The following FN1 variants were observed in gnomAD, a reference collection of about 807,000 sequenced individuals.
FN1 encodes fibronectin.
In FN1, 106 loss-of-function variants were observed where a neutral mutation model predicts 297.3. That is an observed-to-expected ratio of 0.36 (90% CI 0.30 to 0.42). FN1 has a LOEUF of 0.42. Among genes scored for constraint, FN1 ranks in the 10% least tolerant of loss-of-function variants. The pLI is 1.00. For synonymous variants in FN1, 1,149 were observed against 1,152.6 expected (o/e 1.00, Z 0.06); for missense variants, 2,690 against 3,124.9 (o/e 0.86, Z 3.32).
chr2:215,432,911 C>G (rs2066772604), intron 3 of FN1, among the ~76,000 whole-genome samples: 1 of 152,158 alleles, frequency 6.6e-6, no homozygotes, highest in African/African-American at 2.4e-5. Context: ...GACCAGACAA[C>G]ACATGGCTGG....
At chr2:215,383,555 C>A in intron 30 of FN1, 72 bp from the exon 31 acceptor site, 28 of 1,469,374 alleles carry the variant, frequency 1.9e-5, no homozygotes, top group Non-Finnish European at 2.6e-5. Context: ...GTCCTCCTCT[C>A]TAGGTCTGGT....
chr2:215,434,604 T>C (rs2067131961), intron 2 of FN1, 92 bp downstream of exon 2: 1 of 1,406,600 alleles, frequency 7.1e-7, no homozygotes, highest in African/African-American at 1.4e-5. Context: ...ATTAGAAAAA[T>C]GGTGTATGTA....
chr2:215,405,268 G>A (rs932407662), intron 19 of FN1, among the ~76,000 whole-genome samples: 11 of 152,154 alleles, frequency 7.2e-5, no homozygotes, highest in Non-Finnish European at 1.0e-4. Context: ...TTTTCCCACC[G>A]AAATTTAAAT....
At position 215,388,279 on chromosome 2, in the gene FN1, A is replaced by G. The variant is rs764658609; in HGVS notation, c.4275T>C (p.Tyr1425=). 5 of 1,613,742 alleles carry G rather than the reference A, an allele frequency of 3.1e-6. No homozygotes were observed. Among genetic ancestry groups the G allele is most frequent in the Non-Finnish European group, 4.2e-6 (5 of 1,179,734 alleles). ...CGTAGACACTGGAGACACTCACTAC[A>G]TATTCTGTACCAGGCAGGAGATCTG... The part of the protein sequence containing the change: ...VLTNLLPGTE[Y]VVSVSSVYEQ... The change falls in exon 27 of 46, where the codon TAT becomes TAC. Residue 1425 remains tyrosine (Y), a synonymous_variant. Coordinates refer to ENST00000354785, the MANE Select transcript of FN1 (RefSeq NM_212482.4).
chr2:215,386,373 G>A (rs751595533), intron 28 of FN1, among the ~76,000 whole-genome samples: 6 of 151,800 alleles, frequency 4.0e-5, no homozygotes, highest in East Asian at 1.9e-4. Flanking sequence ...CACCCCGTCC[G>A]GCCAATTTTC....
chr2:215,431,846 G>T lies in FN1; in HGVS notation c.534C>A (p.Thr178=), dbSNP rs1203356655. The change falls in exon 4 of 46, where the codon ACC becomes ACA. Residue 178 remains threonine (T), a synonymous_variant. Coordinates refer to ENST00000354785, the MANE Select transcript of FN1 (RefSeq NM_212482.4). ...VCLGNGKGEW[T]CKPIAEKCFD... ...AGACTCACACACCTATGGGCTTGCA[G>T]GTCCATTCTCCTTTTCCATTACCAA... The T allele has an allele frequency of 6.2e-7, 1 of 1,614,028 alleles. No homozygotes were observed. Among genetic ancestry groups the T allele is most frequent in the African/African-American group, 1.3e-5 (1 of 74,900 alleles).
chr2:215,406,298 T>G lies in FN1; in HGVS notation c.2926A>C (p.Lys976Gln). ...GLSPGVTYYF[K>Q]VFAVSHGRES... ...CTCCCATGGCTCACTGCAAAGACTT[T>G]GAAGTAATAGGTGACCCCAGGGGAC... The change falls in exon 19 of 46, where the codon AAA (lysine) becomes CAA (glutamine). Residue 976 changes from lysine (K) to glutamine (Q), a missense_variant. Physicochemically the swap from Lys to Gln is moderately conservative, Grantham distance 53. Transcript: ENST00000354785. The G allele has an allele frequency of 6.2e-7, 1 of 1,614,192 alleles. No homozygotes were observed.
chr2:215,387,008 A>G (rs1399640313), intron 27 of FN1, 50 bp from the exon 28 acceptor site: 2 of 1,536,968 alleles, frequency 1.3e-6, no homozygotes, highest in Non-Finnish European at 1.8e-6. Flanking sequence ...AAAAGACACC[A>G]CCAGTTTAGG....
Position 215,389,111 on chromosome 2 carries a change from A to AT in FN1, c.4253-811dup, listed in dbSNP as rs997876159. On this transcript the variant is annotated intron_variant, in intron 26 of 45. Coordinates refer to ENST00000354785, the MANE Select transcript of FN1 (RefSeq NM_212482.4). ...TGTTCCATTTTTTTTTATTTTTATT[A>AT]TTTTTTCTTTTTGACGAGGTTTTAC... Among the ~76,000 whole-genome samples, 3 of 151,612 alleles carry AT rather than the reference A, an allele frequency of 2.0e-5. No homozygotes were observed. In the East Asian group the frequency reaches 5.8e-4, roughly 29 times the overall value.
At chr2:215,387,294 T>G (rs912926249) in intron 27 of FN1, among the ~76,000 whole-genome samples, 1 of 152,226 alleles carries the variant, frequency 6.6e-6, no homozygotes, top group East Asian at 1.9e-4. Flanking sequence ...ATTGACATTT[T>G]CAAATTCTTC....
In FN1 at chr2:215,376,426, G is replaced by T. The variant is rs983977652; in HGVS notation, c.5887+72C>A. 5.9e-6 allele frequency: 8 copies of T among 1,353,708 alleles called. No individual in the cohort carries two copies. In the African/African-American group the frequency reaches 8.6e-5, roughly 15 times the overall value. The allele number at this position is 1,353,708 out of a possible 1,614,324, so 83.9% of individuals were successfully genotyped here. A position where few individuals can be genotyped will look rare whatever the true frequency, so the allele number is the denominator to read the frequency against. ...ATAAATTTTATCAGTGTCAGTCGTA[G>T]AACAGTTAATAAGCCCGTTTACATT... On this transcript the variant is annotated intron_variant, in intron 36 of 45. Coordinates refer to ENST00000354785, the MANE Select transcript of FN1 (RefSeq NM_212482.4).
intron 9 of FN1, among the ~76,000 whole-genome samples, chr2:215,423,116 G>T (rs1276741987): frequency 6.6e-6 from 1 of 151,354 alleles, no homozygotes; most frequent in Non-Finnish European, 1.5e-5. Context: ...TGTCAATGAG[G>T]TTTAAAAATT....
chr2:215,394,352 C>T (rs980722672), intron 24 of FN1, among the ~76,000 whole-genome samples, 176 bp downstream of exon 24: 2 of 152,220 alleles, frequency 1.3e-5, no homozygotes, highest in Non-Finnish European at 1.5e-5. Context: ...GCAGTGTTAA[C>T]AGCAAGCATT....
chr2:215,364,848 CTT>C (rs2054215313), intron 44 of FN1, 29 bp downstream of exon 44: 1 of 1,453,628 alleles, frequency 6.9e-7, no homozygotes, highest in Non-Finnish European at 9.4e-7. Flanking sequence ...TCTTATCTAA[CTT>C]GTAGGGAGCC....
intron 24 of FN1, among the ~76,000 whole-genome samples, chr2:215,394,147 T>A (rs2060031305): frequency 6.6e-6 from 1 of 152,234 alleles, no homozygotes; most frequent in African/African-American, 2.4e-5. Flanking sequence ...ATATGGATTG[T>A]AAAATCGGGC....
In FN1 at chr2:215,411,958, C is replaced by T. The variant is rs548131367; in HGVS notation, c.1942-1844G>A. ...CTGGGATTACAGGCGTGAGCCACTGCGCCTGGCCCAAAGTACATTTTATAC... is the reference window on the plus strand; with the variant it reads ...CTGGGATTACAGGCGTGAGCCACTGTGCCTGGCCCAAAGTACATTTTATAC... On this transcript the variant is annotated intron_variant, in intron 13 of 45. Transcript: ENST00000354785. Among the ~76,000 whole-genome samples the T allele has an allele frequency of 2.0e-5, 3 of 152,184 alleles. No homozygotes were observed. The East Asian group carries it at 5.8e-4, about 29-fold the overall frequency.
At chr2:215,415,741 A>C (rs2106358414) in intron 12 of FN1, among the ~76,000 whole-genome samples, 2 of 152,252 alleles carry the variant, frequency 1.3e-5, no homozygotes, top group East Asian at 3.9e-4. Context: ...AATTTAAAGT[A>C]TGGTTTTGGT....
At chr2:215,396,152 T>A (rs1221663935) in intron 23 of FN1, among the ~76,000 whole-genome samples, 1 of 152,174 alleles carries the variant, frequency 6.6e-6, no homozygotes, top group East Asian at 1.9e-4. Context: ...TAAACAAAAA[T>A]TTCACAAGAA....
rs1200768215 is a variant in FN1 at position 215,388,246 on chromosome 2, A to G, written c.4308T>C (p.His1436=). The part of the protein sequence containing the change: ...VVSVSSVYEQ[H]ESTPLRGRQK... Reference sequence around the variant, plus strand: ...GTCTTCCTCTAAGAGGTGTGCTCTCATGTTGTTCGTAGACACTGGAGACAC... The same window carrying G: ...GTCTTCCTCTAAGAGGTGTGCTCTCGTGTTGTTCGTAGACACTGGAGACAC... The change falls in exon 27 of 46, where the codon CAT becomes CAC. Residue 1436 remains histidine, a synonymous_variant. Coordinates refer to ENST00000354785, the MANE Select transcript of FN1 (RefSeq NM_212482.4). The G allele has an allele frequency of 1.2e-6, 2 of 1,613,958 alleles. No homozygotes were observed. The highest frequency in any genetic ancestry group is 1.7e-6 in the Non-Finnish European group (2 of 1,179,938).
Sources: gnomAD v4.1 joint callset for allele counts (sites outside exome capture counted in the v4.1 genomes callset) on GRCh38, gnomAD v4.1.1 for gene constraint, MANE v1.5 for transcripts, NCBI Gene and HGNC (gene_info 2026-07-23, HGNC 2026-07-21) for gene names.